The following CPLANE1 variants were observed in gnomAD, a reference collection of about 807,000 sequenced individuals.
CPLANE1 encodes the protein ciliogenesis and planar polarity effector complex subunit 1.
CPLANE1 carries 263 observed loss-of-function variants against 362.5 expected under a neutral mutation model. That is an observed-to-expected ratio of 0.73 (90% CI 0.66 to 0.80). CPLANE1 has a LOEUF of 0.80. Among genes scored for constraint, CPLANE1 ranks in the 30% least tolerant of loss-of-function variants. The pLI, the probability that CPLANE1 is intolerant of heterozygous loss-of-function variation, is 0.00. For synonymous variants in CPLANE1, 1,212 were observed against 1,302.6 expected, an observed-to-expected ratio of 0.93 and a Z score of 1.50; for missense variants, 3,461 against 3,793.4, an observed-to-expected ratio of 0.91 and a Z score of 2.30.
At position 37,209,329 on chromosome 5, in the gene CPLANE1, C is replaced by T. The variant is rs1037598757; in HGVS notation, c.2921-2904G>A. On this transcript the variant is annotated intron_variant, in intron 16 of 52. Transcript: ENST00000651892. The surrounding 1 kb of genome is among the most constrained non-coding windows in gnomAD (Gnocchi z 4.6). ...GCACTAAACTCGGGCCACGGCGGGGCGAGCGAGGCGGGCTCCGGAGGAAGC... is the reference window on the plus strand; with the variant it reads ...GCACTAAACTCGGGCCACGGCGGGGTGAGCGAGGCGGGCTCCGGAGGAAGC... 4.7e-6 allele frequency: 4 copies of T among 860,164 alleles called. No individual in the cohort carries two copies. The highest frequency in any genetic ancestry group is 8.0e-6 in the Non-Finnish European group (4 of 498,868). The allele number at this position is 860,164 out of a possible 1,614,324, so 53.3% of individuals were successfully genotyped here.
At chr5:37,182,182 T>TAC (rs572223211) in intron 26 of CPLANE1, among the ~76,000 whole-genome samples, 10 of 151,588 alleles carry the variant, frequency 6.6e-5, no homozygotes, top group South Asian at 2.1e-4. Context: ...CATATTCACA[T>TAC]ACACACACAC....
chr5:37,226,925 TC>T lies in CPLANE1; in HGVS notation c.1669del (p.Asp557MetfsTer26). 6.4e-7 allele frequency: 1 copy of T among 1,551,958 alleles called. No homozygotes were observed. Among genetic ancestry groups the T allele is most frequent in the Non-Finnish European group, 8.7e-7 (1 of 1,146,996 alleles). ...GGTTCTATCTGTCTCCTCACTATCATCCTTTGCATGTATCGTATCAAACATA... is the reference window on the plus strand; with the variant it reads ...GGTTCTATCTGTCTCCTCACTATCATCTTTGCATGTATCGTATCAAACATA... ...ASMFDTIHAK[D>X]DSEETDRTIT... On this transcript the variant is annotated frameshift_variant, in exon 12 of 53. Transcript: ENST00000651892.
At chr5:37,157,164 T>C (rs947595390) in intron 41 of CPLANE1, 149 bp downstream of exon 41, 2 of 322,084 alleles carry the variant, frequency 6.2e-6, no homozygotes, top group Non-Finnish European at 1.2e-5. Context: ...TGGAATCATG[T>C]CTCTATTTCA....
chr5:37,245,932 C>G, intron 2 of CPLANE1, 87 bp from the exon 3 acceptor site: 1 of 1,257,470 alleles, frequency 8.0e-7, no homozygotes, highest in Non-Finnish European at 1.1e-6. Flanking sequence ...GAAATCAAAG[C>G]GACATTTAAG....
At chr5:37,096,648 AATCTATAC>A in the CPLANE1 span, among the ~76,000 whole-genome samples, 1 of 152,230 alleles carries the variant, frequency 6.6e-6, no homozygotes, top group Non-Finnish European at 1.5e-5. Context: ...AAATCTTCAC[AATCTATAC>A]ATCCGACAAA....
intron 17 of CPLANE1, 85 bp downstream of exon 17, chr5:37,206,112 A>G (rs1790647793): frequency 2.1e-6 from 2 of 935,574 alleles, no homozygotes; most frequent in Non-Finnish European, 3.3e-6. Flanking sequence ...AGGATTCCAC[A>G]TAAAATGTAA....
chr5:37,237,808 C>A (rs1799354836), intron 8 of CPLANE1, among the ~76,000 whole-genome samples: 1 of 152,162 alleles, frequency 6.6e-6, no homozygotes. Flanking sequence ...CGAGATCACA[C>A]CACTGCACTC....
intron 51 of CPLANE1, 37 bp from the exon 52 acceptor site, chr5:37,108,508 GATTC>G (rs754922699): frequency 1.2e-4 from 187 of 1,535,714 alleles, no homozygotes; most frequent in South Asian, 2.1e-4. Context: ...CATTGGGATT[GATTC>G]ATTCATTCAT....
chr5:37,114,038 C>A (rs1760154767), intron 51 of CPLANE1, among the ~76,000 whole-genome samples: 1 of 152,166 alleles, frequency 6.6e-6, no homozygotes, highest in African/African-American at 2.4e-5. Flanking sequence ...GTCTCAATTT[C>A]TTGGCCTCGT....
intron 8 of CPLANE1, among the ~76,000 whole-genome samples, chr5:37,231,641 A>G (rs1797753032): frequency 6.6e-6 from 1 of 152,126 alleles, no homozygotes; most frequent in African/African-American, 2.4e-5. Context: ...TCTACAATCA[A>G]GATCTACTGA....
chr5:37,157,163 G>T (rs1775353251), intron 41 of CPLANE1, 150 bp downstream of exon 41: 3 of 320,606 alleles, frequency 9.4e-6, no homozygotes, highest in South Asian at 7.9e-5. Context: ...TTGGAATCAT[G>T]TCTCTATTTC....
chr5:37,084,749 C>T, the CPLANE1 span, among the ~76,000 whole-genome samples: 5 of 151,116 alleles, frequency 3.3e-5, no homozygotes, highest in Non-Finnish European at 7.4e-5. Context: ...CCAGCCCGGG[C>T]AACAGAGCGA....
intron 33 of CPLANE1, among the ~76,000 whole-genome samples, chr5:37,169,775 G>A (rs1203847580): frequency 6.6e-6 from 1 of 151,806 alleles, no homozygotes; most frequent in African/African-American, 2.4e-5. Flanking sequence ...CACCCAGGCT[G>A]GAGTACAGTG....
Position 37,127,783 on chromosome 5 carries a change from TG to T in CPLANE1, c.8793-2375del, listed in dbSNP as rs148134942. Among the ~76,000 whole-genome samples the T allele has an allele frequency of 3.6e-3, 547 of 152,206 alleles. 4 individuals carry two copies. The highest frequency in any genetic ancestry group is 0.013 in the African/African-American group (525 of 41,546). On this transcript the variant is annotated intron_variant, in intron 46 of 52. Coordinates refer to ENST00000651892, the MANE Select transcript of CPLANE1 (RefSeq NM_001384732.1). ...CGCCCACCTTGGCCTCCCAAAATGC[TG>T]GGATTATAGGCATGAGCCACCGAGC...
At chr5:37,122,291 C>A in intron 48 of CPLANE1, 139 bp downstream of exon 48, 1 of 698,150 alleles carries the variant, frequency 1.4e-6, no homozygotes, top group Non-Finnish European at 2.5e-6. Flanking sequence ...CATCATTTTC[C>A]TTGCAGTGAT....
In CPLANE1 at chr5:37,214,303, G is replaced by A. The variant is rs577522623; in HGVS notation, c.2747-571C>T. ...AACATGGTGAAATCCCACCTCTACA[G>A]AAAAATACAATAAAAAGAAACATTA... On this transcript the variant is annotated intron_variant, in intron 15 of 52. Transcript: ENST00000651892. 1.8e-4 allele frequency among the ~76,000 whole-genome samples: 28 copies of A among 151,964 alleles called. No individual in the cohort carries two copies. The South Asian group carries it at 5.4e-3, about 29-fold the overall frequency.
At chr5:37,212,735 T>C (rs1284824871) in intron 16 of CPLANE1, among the ~76,000 whole-genome samples, 3 of 152,196 alleles carry the variant, frequency 2.0e-5, no homozygotes, top group Non-Finnish European at 4.4e-5. Context: ...ATTTAAAAAG[T>C]AAATGGTCCA....
At chr5:37,110,983 A>G (rs1424358846) in intron 51 of CPLANE1, among the ~76,000 whole-genome samples, 3 of 141,760 alleles carry the variant, frequency 2.1e-5, no homozygotes, top group South Asian at 2.2e-4. Context: ...AATTTTTTGT[A>G]TTTTTAGTAG....
Position 37,241,084 on chromosome 5 carries a change from C to A in CPLANE1, c.678-1215G>T, listed in dbSNP as rs757003527. 3.3e-5 allele frequency among the ~76,000 whole-genome samples: 5 copies of A among 151,398 alleles called. 1 individual carries two copies. In the East Asian group the frequency reaches 9.7e-4, roughly 29 times the overall value. ...CCAGGAGGCAGAGGTTGCAGTGAGCCGAGATTACGTCACTGCACTCCAGCC... is the reference window on the plus strand; with the variant it reads ...CCAGGAGGCAGAGGTTGCAGTGAGCAGAGATTACGTCACTGCACTCCAGCC... On this transcript the variant is annotated intron_variant, in intron 6 of 52. Coordinates refer to ENST00000651892, the MANE Select transcript of CPLANE1 (RefSeq NM_001384732.1).
Sources: allele counts gnomAD v4.1 joint callset (sites outside exome capture counted in the v4.1 genomes callset), GRCh38; gene constraint gnomAD v4.1.1; non-coding constraint Gnocchi (gnomAD v3.1); transcripts MANE v1.5; gene names NCBI Gene and HGNC (gene_info 2026-07-23, HGNC 2026-07-21).